Variants in COL26A1 observed in about 807,000 individuals in gnomAD.
The protein encoded by COL26A1 is collagen type XXVI alpha 1 chain.
COL26A1 carries 41 observed loss-of-function variants against 59.3 expected under a neutral mutation model. That is an observed-to-expected ratio of 0.69 (90% CI 0.54 to 0.90). The LOEUF is 0.90. Among genes scored for constraint, COL26A1 ranks in the 40% least tolerant of loss-of-function variants. COL26A1 has a pLI of 0.00. For missense variants in COL26A1, 612 were observed against 602.3 expected (o/e 1.02, Z -0.17); for synonymous variants, 266 against 256.0 (o/e 1.04, Z -0.37).
At chr7:101,435,897 C>T (rs1189336097) in intron 2 of COL26A1, among the ~76,000 whole-genome samples, 1 of 152,214 alleles carries the variant, frequency 6.6e-6, no homozygotes, top group Non-Finnish European at 1.5e-5. Context: ...GCCAGACGGC[C>T]CCCTGCCCGC....
At chr7:101,428,017 A>G (rs771228620) in intron 2 of COL26A1, among the ~76,000 whole-genome samples, 2 of 152,046 alleles carry the variant, frequency 1.3e-5, no homozygotes, top group Non-Finnish European at 2.9e-5. Flanking sequence ...TGTGATTTCT[A>G]CGGCGTGAGT....
In COL26A1 at chr7:101,411,868, G is replaced by A. The variant is rs569649426; in HGVS notation, c.159-8109G>A. Among the ~76,000 whole-genome samples, 246 of 152,204 alleles carry A rather than the reference G, an allele frequency of 1.6e-3. 1 individual carries two copies. The highest frequency in any genetic ancestry group is 3.5e-3 in the South Asian group (17 of 4,820). ...TTGCAGAATTGCTTGAGCCCAGGAGGTCAAGGCTGCAGTGAGCTATGATTG... is the reference window on the plus strand; with the variant it reads ...TTGCAGAATTGCTTGAGCCCAGGAGATCAAGGCTGCAGTGAGCTATGATTG... On this transcript the variant is annotated intron_variant, in intron 1 of 12. Coordinates refer to ENST00000313669, the MANE Select transcript of COL26A1 (RefSeq NM_001278563.3).
chr7:101,444,297 A>AATAGCACAAAGTGGGTGG (rs1793132606), intron 2 of COL26A1, among the ~76,000 whole-genome samples: 2 of 152,048 alleles, frequency 1.3e-5, no homozygotes, highest in South Asian at 4.1e-4. Context: ...CTTTGGGTTT[A>AATAGCACAAAGTGGGTGG]TTGTTGGTGA....
intron 3 of COL26A1, among the ~76,000 whole-genome samples, chr7:101,456,202 C>T (rs2130408017): frequency 6.7e-6 from 1 of 148,730 alleles, no homozygotes; most frequent in East Asian, 2.0e-4. Flanking sequence ...TTTACACATA[C>T]TTAAATGCAC....
intron 3 of COL26A1, among the ~76,000 whole-genome samples, chr7:101,507,943 G>T (rs1794847238): frequency 2.0e-5 from 3 of 152,172 alleles, no homozygotes. Context: ...GCACGTGACT[G>T]CCATCTGCTG....
chr7:101,384,237 T>TTTG (rs1554403546), intron 1 of COL26A1, among the ~76,000 whole-genome samples: 26 of 147,528 alleles, frequency 1.8e-4, no homozygotes, highest in East Asian at 6.0e-4. Context: ...CTGGTTTTTT[T>TTTG]TTTTTTTTTT....
chr7:101,499,698 AAAT>A (rs1479204174), intron 3 of COL26A1, among the ~76,000 whole-genome samples: 1 of 151,502 alleles, frequency 6.6e-6, no homozygotes, highest in Non-Finnish European at 1.5e-5. Flanking sequence ...ATAATAATAA[AAAT>A]AATATTAAAA....
chr7:101,364,371 A>C (rs1178669937), intron 1 of COL26A1, among the ~76,000 whole-genome samples: 3 of 150,940 alleles, frequency 2.0e-5, no homozygotes, highest in Non-Finnish European at 4.4e-5. Context: ...GCAGAATCTC[A>C]ACTCTGTTGC....
chr7:101,550,046 G>C (rs1026445169), intron 9 of COL26A1, among the ~76,000 whole-genome samples: 1 of 152,196 alleles, frequency 6.6e-6, no homozygotes, highest in Non-Finnish European at 1.5e-5. Context: ...GTGTGGTGTC[G>C]GATGAGGCAC....
intron 1 of COL26A1, among the ~76,000 whole-genome samples, chr7:101,366,011 C>T (rs981570180): frequency 1.1e-4 from 16 of 152,086 alleles, no homozygotes; most frequent in African/African-American, 3.9e-4. Context: ...TGGAATCTTC[C>T]AGAACTCTTT....
chr7:101,539,214 C>T (rs1333052190), intron 4 of COL26A1, among the ~76,000 whole-genome samples: 2 of 152,250 alleles, frequency 1.3e-5, no homozygotes, highest in East Asian at 1.9e-4. Context: ...TCATGTGCCA[C>T]AAGGGGCCTA....
intron 3 of COL26A1, among the ~76,000 whole-genome samples, chr7:101,473,546 A>C (rs1040322528): frequency 6.7e-6 from 1 of 148,994 alleles, no homozygotes; most frequent in African/African-American, 2.5e-5. Context: ...AGGCTGAGGC[A>C]GGAGAATTGC....
At chr7:101,525,649 A>G (rs1378983950) in intron 3 of COL26A1, among the ~76,000 whole-genome samples, 5 of 148,586 alleles carry the variant, frequency 3.4e-5, no homozygotes, top group Non-Finnish European at 7.4e-5. Flanking sequence ...GGTGCCCACC[A>G]TCACGCCCGG....
intron 1 of COL26A1, among the ~76,000 whole-genome samples, chr7:101,406,950 T>C (rs1792141376): frequency 6.9e-6 from 1 of 145,638 alleles, no homozygotes; most frequent in Non-Finnish European, 1.6e-5. Flanking sequence ...ATGCTGTCCC[T>C]GTAAAAAACA....
chr7:101,390,148 G>GTTT (rs60091954), intron 1 of COL26A1, among the ~76,000 whole-genome samples: 4 of 72,366 alleles, frequency 5.5e-5, no homozygotes, highest in African/African-American at 1.5e-4. Flanking sequence ...CATGTTAAGG[G>GTTT]TTTTTTTTTT....
chr7:101,380,884 G>A (rs1254702547), intron 1 of COL26A1, among the ~76,000 whole-genome samples: 1 of 152,170 alleles, frequency 6.6e-6, no homozygotes, highest in Non-Finnish European at 1.5e-5. Context: ...GATAATTCAT[G>A]AGTGGTTATC....
At chr7:101,390,864 G>C (rs56339860) in intron 1 of COL26A1, among the ~76,000 whole-genome samples, 1 of 152,128 alleles carries the variant, frequency 6.6e-6, no homozygotes. Context: ...CTGTGCAACC[G>C]GTCCAGGCTG....
chr7:101,455,489 GTTTCT>G (rs1198585540), intron 3 of COL26A1, among the ~76,000 whole-genome samples: 1 of 139,138 alleles, frequency 7.2e-6, no homozygotes, highest in Non-Finnish European at 1.5e-5. Flanking sequence ...TGTTTGGTAA[GTTTCT>G]TTTCTTTTCT....
intron 3 of COL26A1, among the ~76,000 whole-genome samples, chr7:101,496,160 G>A (rs1794581688): frequency 6.6e-6 from 1 of 152,168 alleles, no homozygotes; most frequent in Non-Finnish European, 1.5e-5. Flanking sequence ...TGGCAAACCG[G>A]ATGTTGCATT....
Sources: gnomAD v4.1 joint callset for allele counts (sites outside exome capture counted in the v4.1 genomes callset) on GRCh38, gnomAD v4.1.1 for gene constraint, MANE v1.5 for transcripts, NCBI Gene and HGNC (gene_info 2026-07-23, HGNC 2026-07-21) for gene names.